Variants in ZNF609 observed in about 807,000 individuals in gnomAD.
The protein encoded by ZNF609 is zinc finger protein 609.
A neutral mutation model predicts 109.5 loss-of-function variants in ZNF609; 11 were observed. The observed-to-expected ratio is 0.10, with a 90% CI of 0.06 to 0.17. ZNF609 has a LOEUF of 0.17. Among genes scored for constraint, ZNF609 ranks in the 10% least tolerant of loss-of-function variants. The pLI is 1.00. For synonymous variants in ZNF609, 646 were observed against 662.0 expected (o/e 0.98, Z 0.37); for missense variants, 1,559 against 1,772.4 (o/e 0.88, Z 2.16).
In ZNF609 at chr15:64,601,946, A is replaced by G. The variant is rs1338314761; in HGVS notation, c.748-20881A>G. Among the ~76,000 whole-genome samples the G allele has an allele frequency of 2.0e-5, 3 of 152,200 alleles. No homozygotes were observed. In the East Asian group the frequency reaches 5.8e-4, roughly 29 times the overall value. On this transcript the variant is annotated intron_variant, in intron 2 of 9. Transcript: ENST00000326648. ...GTTCAAATCCTGACCCTGTCACTTA[A>G]TAACTAGGTAATTGCAGGCAAGTCA...
At chr15:64,478,155 G>GGT (rs149241970) in intron 1 of ZNF609, among the ~76,000 whole-genome samples, 27,022 of 137,960 alleles carry the variant, frequency 0.2, 2,811 homozygotes, top group Non-Finnish European at 0.25. Flanking sequence ...TTAGAATAAA[G>GGT]GTGTGTGTGT....
intron 2 of ZNF609, among the ~76,000 whole-genome samples, chr15:64,589,386 C>CAGT (rs932669601): frequency 1.2e-4 from 18 of 152,154 alleles, no homozygotes; most frequent in African/African-American, 4.1e-4. Context: ...TCAGCAGCAG[C>CAGT]AGCAGCAGCA....
At chr15:64,649,714 G>A (rs954932930) in intron 3 of ZNF609, among the ~76,000 whole-genome samples, 1 of 152,006 alleles carries the variant, frequency 6.6e-6, no homozygotes. Context: ...TCATTTTTGC[G>A]GGGGAGGGGT....
At chr15:64,478,486 T>C (rs1354275051) in intron 1 of ZNF609, among the ~76,000 whole-genome samples, 1 of 152,094 alleles carries the variant, frequency 6.6e-6, no homozygotes, top group Non-Finnish European at 1.5e-5. Context: ...GTCTCCTGCC[T>C]CAGCCTTCCA....
intron 3 of ZNF609, among the ~76,000 whole-genome samples, chr15:64,624,894 G>A (rs934981568): frequency 6.6e-6 from 1 of 151,704 alleles, no homozygotes; most frequent in African/African-American, 2.4e-5. Context: ...TGAGTAGTGG[G>A]GACTACAGGC....
Position 64,500,142 on chromosome 15 carries a change from G to C in ZNF609, c.723G>C (p.Leu241=). ...AGGAAGGGGAGAATGAGTGTCGCCTGCTAAAGAAAGTCAAGTCTGAAAAGG... is the reference window on the plus strand; with the variant it reads ...AGGAAGGGGAGAATGAGTGTCGCCTCCTAAAGAAAGTCAAGTCTGAAAAGG... ...EPEEGENECR[L]LKKVKSEKME... Residue 241 remains leucine (L), a synonymous_variant, in exon 2 of 10, where the codon CTG becomes CTC. Transcript: ENST00000326648. 2 of 1,613,678 alleles carry C rather than the reference G, an allele frequency of 1.2e-6. No homozygotes were observed. The highest frequency in any genetic ancestry group is 1.7e-5 in the Admixed American group (1 of 59,992).
intron 3 of ZNF609, among the ~76,000 whole-genome samples, chr15:64,663,117 C>G (rs986169434): frequency 1.3e-5 from 2 of 152,230 alleles, no homozygotes; most frequent in African/African-American, 2.4e-5. Flanking sequence ...CAGGATCTCT[C>G]TGGTCTCTGT....
intron 2 of ZNF609, among the ~76,000 whole-genome samples, chr15:64,552,952 A>G (rs1894508893): frequency 1.3e-5 from 2 of 152,198 alleles, no homozygotes. Flanking sequence ...CTCAGCCAAA[A>G]TGAGTTTTTA....
intron 4 of ZNF609, among the ~76,000 whole-genome samples, chr15:64,672,789 C>A (rs1896754512): frequency 6.7e-6 from 1 of 149,064 alleles, no homozygotes; most frequent in Admixed American, 6.7e-5. Flanking sequence ...CACGGTGAAA[C>A]CCCGTCTCTA....
chr15:64,506,723 GA>G (rs5813307), intron 2 of ZNF609, among the ~76,000 whole-genome samples: 2 of 146,332 alleles, frequency 1.4e-5, no homozygotes, highest in African/African-American at 5.0e-5. Context: ...TCTGTCTCAA[GA>G]AAAAAAAAAA....
chr15:64,609,822 G>A (rs1895688995), intron 2 of ZNF609, among the ~76,000 whole-genome samples: 1 of 150,822 alleles, frequency 6.6e-6, no homozygotes. Context: ...GAGGTTAGGA[G>A]TTCAAGACCA....
At chr15:64,607,270 G>T (rs143059914) in intron 2 of ZNF609, among the ~76,000 whole-genome samples, 1,974 of 151,866 alleles carry the variant, frequency 0.013, 33 homozygotes, top group African/African-American at 0.046. Flanking sequence ...ATCTGAAAAG[G>T]CTATTAAATA....
intron 8 of ZNF609, 102 bp downstream of exon 8, chr15:64,680,964 A>T (rs1211164899): frequency 2.3e-6 from 3 of 1,326,954 alleles, no homozygotes. Context: ...TACCTGCCTC[A>T]TAAGAATCCT....
chr15:64,529,682 GGATGCA>G, intron 2 of ZNF609: 1 of 720,604 alleles, frequency 1.4e-6, no homozygotes. Flanking sequence ...GGTGTCTCAG[GGATGCA>G]GCTGCCAATG....
chr15:64,570,958 G>A (rs762855019), intron 2 of ZNF609, among the ~76,000 whole-genome samples: 15 of 152,126 alleles, frequency 9.9e-5, no homozygotes, highest in African/African-American at 9.7e-5. Context: ...CCTGGGAGGC[G>A]GAAGTTGCAG....
intron 1 of ZNF609, among the ~76,000 whole-genome samples, chr15:64,498,689 C>A (rs1287958515): frequency 6.6e-6 from 1 of 152,128 alleles, no homozygotes; most frequent in Admixed American, 6.6e-5. Flanking sequence ...CTGAGATTGT[C>A]TCCTCTAGTT....
intron 2 of ZNF609, among the ~76,000 whole-genome samples, chr15:64,540,775 A>G (rs1894239397): frequency 6.7e-6 from 1 of 149,812 alleles, no homozygotes; most frequent in Non-Finnish European, 1.5e-5. Flanking sequence ...CACGCCTGTA[A>G]TCCCAGCACT....
chr15:64,567,318 C>A (rs1894791471), intron 2 of ZNF609, among the ~76,000 whole-genome samples: 1 of 151,814 alleles, frequency 6.6e-6, no homozygotes, highest in African/African-American at 2.4e-5. Context: ...CCCATCTCTA[C>A]TAAAAATACA....
chr15:64,460,488 C>T (rs1892919923), upstream of ZNF609, among the ~76,000 whole-genome samples: 1 of 152,148 alleles, frequency 6.6e-6, no homozygotes, highest in Admixed American at 6.5e-5. Context: ...CCGGGTTTCC[C>T]CTGCGCTCAC....
Sources: gnomAD v4.1 joint callset for allele counts (sites outside exome capture counted in the v4.1 genomes callset) on GRCh38, gnomAD v4.1.1 for gene constraint, MANE v1.5 for transcripts, NCBI Gene and HGNC (gene_info 2026-07-23, HGNC 2026-07-21) for gene names.